Variants in RO60 observed in about 807,000 individuals in gnomAD.
RO60 encodes RNA-binding protein RO60.
In RO60, 20 loss-of-function variants were observed where a neutral mutation model predicts 55.3. The observed-to-expected ratio is 0.36, with a 90% confidence interval of 0.25 to 0.53. The LOEUF (loss-of-function observed/expected upper bound fraction) is 0.53. Ranked by LOEUF, RO60 falls within the 20% of genes least tolerant of loss-of-function variation. The pLI, the probability that RO60 is intolerant of heterozygous loss-of-function variation, is 0.92. For missense variants in RO60, 558 were observed against 646.6 expected (o/e 0.86, Z 1.49); for synonymous variants, 213 against 213.6 (o/e 1.00, Z 0.02).
At position 193,076,624 on chromosome 1, in the gene RO60, T is replaced by C; in HGVS notation, c.925T>C (p.Cys309Arg). ...SEVSLVCEKL[C>R]NEKLLKKARI... ...AGTATCTTTAGTATGTGAAAAACTG[T>C]GTAATGAAAAACTATTAAAAAAGGT... Residue 309 changes from cysteine to arginine, a missense_variant, in exon 4 of 9, where the codon TGT becomes CGT. Coordinates refer to ENST00000400968, the MANE Select transcript of RO60 (RefSeq NM_001173524.2). 1 of 1,604,166 alleles carries C rather than the reference T, an allele frequency of 6.2e-7. No homozygotes were observed. Among genetic ancestry groups the C allele is most frequent in the Non-Finnish European group, 8.5e-7 (1 of 1,176,590 alleles).
chr1:193,082,902 C>T (rs1201748576), intron 8 of RO60, among the ~76,000 whole-genome samples, 194 bp downstream of exon 8: 1 of 151,696 alleles, frequency 6.6e-6, no homozygotes, highest in Non-Finnish European at 1.5e-5. Flanking sequence ...GTAGCTGGAA[C>T]TACAGGAGCG....
chr1:193,082,416 T>A, intron 7 of RO60, 117 bp downstream of exon 7: 3 of 1,336,808 alleles, frequency 2.2e-6, no homozygotes, highest in Non-Finnish European at 3.1e-6. Flanking sequence ...TTTGTCTTAA[T>A]TTTTGCATGA....
chr1:193,062,572 C>G (rs1672852306), intron 1 of RO60, among the ~76,000 whole-genome samples: 1 of 152,146 alleles, frequency 6.6e-6, no homozygotes, highest in Non-Finnish European at 1.5e-5. Flanking sequence ...GTATCCAGTG[C>G]ATTGGGTTCT....
chr1:193,061,777 G>A (rs970633725), intron 1 of RO60, among the ~76,000 whole-genome samples: 10 of 152,202 alleles, frequency 6.6e-5, no homozygotes, highest in Non-Finnish European at 1.5e-4. Flanking sequence ...GAGGTCAGGA[G>A]TTCAAGACCA....
Position 193,069,181 on chromosome 1 carries a change from G to T in RO60, c.127G>T (p.Gly43Cys). The T allele has an allele frequency of 1.9e-6, 3 of 1,614,218 alleles. No individual in the cohort carries two copies. The highest frequency in any genetic ancestry group is 2.5e-6 in the Non-Finnish European group (3 of 1,180,032). ...LHRFLCFGSE[G>C]GTYYIKEQKL... is the part of the protein sequence containing the mutation. ...CCGGTTCTTATGTTTCGGTTCTGAA[G>T]GTGGGACTTATTATATCAAAGAACA... Residue 43 changes from glycine (G) to cysteine (C), a missense_variant, in exon 2 of 9, where the codon GGT becomes TGT. Transcript: ENST00000400968.
chr1:193,070,495 A>G, intron 2 of RO60: 1 of 399,162 alleles, frequency 2.5e-6, no homozygotes, highest in Non-Finnish European at 5.1e-6. Flanking sequence ...TGAAGTGTGA[A>G]GTTCCACAAA....
chr1:193,081,105 CTTAT>C (rs1674280355), intron 5 of RO60, among the ~76,000 whole-genome samples: 1 of 152,014 alleles, frequency 6.6e-6, no homozygotes, highest in African/African-American at 2.4e-5. Flanking sequence ...AGGATGGTAA[CTTAT>C]TTAACTAAAA....
rs1329767655 is a variant in RO60 at position 193,089,985 on chromosome 1, T to C, written c.*5254T>C. 6.6e-6 allele frequency: 1 copy of C among 152,184 alleles called. No individual in the cohort carries two copies. The highest frequency in any genetic ancestry group is 1.5e-5 in the Non-Finnish European group (1 of 68,060). 9.4% of individuals were successfully genotyped at this position (152,184 alleles called of 1,614,324 possible). A position where few individuals can be genotyped will look rare whatever the true frequency, so the allele number is the denominator to read the frequency against. On this transcript the variant is annotated 3_prime_UTR_variant, in exon 9 of 9. Transcript: ENST00000400968. ...CACGCCCACCTAATTTTTGTATTTTTAGTAGAGACGGGGTTTCACCATGTT... is the reference window on the plus strand; with the variant it reads ...CACGCCCACCTAATTTTTGTATTTTCAGTAGAGACGGGGTTTCACCATGTT...
intron 1 of RO60, among the ~76,000 whole-genome samples, chr1:193,067,390 A>G (rs1035912636): frequency 3.3e-5 from 5 of 151,722 alleles, no homozygotes; most frequent in Admixed American, 6.6e-5. Context: ...GGGTTTCACC[A>G]TTTTAGTCAG....
Position 193,090,362 on chromosome 1 carries a change from G to A in RO60, c.*5631G>A, listed in dbSNP as rs980234490. ...AACGTAAACTATATATAATCCATAC[G>A]TAGCCAAATTAGATTTAAAATATAC... On this transcript the variant is annotated 3_prime_UTR_variant, in exon 9 of 9. Transcript: ENST00000400968. 3 of 151,550 alleles carry A rather than the reference G, an allele frequency of 2.0e-5. No homozygotes were observed. Among genetic ancestry groups the A allele is most frequent in the East Asian group, 1.9e-4 (1 of 5,186 alleles). 9.4% of individuals were successfully genotyped at this position (151,550 alleles called of 1,614,324 possible).
At chr1:193,060,077 G>T (rs1672400417) in intron 1 of RO60, 3 of 1,294,744 alleles carry the variant, frequency 2.3e-6, no homozygotes, top group Non-Finnish European at 3.0e-6. Context: ...CGTCGAGAGG[G>T]CCTGCTTTAC....
downstream of RO60, chr1:193,091,708 G>C: frequency 6.2e-7 from 1 of 1,603,822 alleles, no homozygotes; most frequent in South Asian, 1.1e-5. Flanking sequence ...GGTGGACACT[G>C]TGTGAACTGT....
intron 1 of RO60, among the ~76,000 whole-genome samples, chr1:193,063,598 C>A (rs1259711918): frequency 6.6e-6 from 1 of 151,986 alleles, no homozygotes; most frequent in East Asian, 1.9e-4. Context: ...GTCACTTTTG[C>A]CTTTGGTGTC....
chr1:193,082,559 T>C lies in RO60; in HGVS notation c.1318-3T>C. On this transcript the variant is annotated splice_polypyrimidine_tract_variant and splice_region_variant and intron_variant, in intron 7 of 8. Coordinates refer to ENST00000400968, the MANE Select transcript of RO60 (RefSeq NM_001173524.2). The stretch of plus-strand genomic sequence containing the variant: ...ATTTATTCATGCTTTTGTTCCGAAT[T>C]AGATCCCAGCAGGTGGAACTGATTG... 1.2e-6 allele frequency: 2 copies of C among 1,613,692 alleles called. No individual in the cohort carries two copies. Among genetic ancestry groups the C allele is most frequent in the Non-Finnish European group, 1.7e-6 (2 of 1,179,724 alleles).
chr1:193,079,938 C>T (rs1306883418), intron 5 of RO60, among the ~76,000 whole-genome samples: 2 of 150,146 alleles, frequency 1.3e-5, no homozygotes, highest in South Asian at 2.1e-4. Context: ...ACCAGCCTGG[C>T]CAACATGGTG....
At chr1:193,082,763 ATTTT>A (rs201236241) in intron 8 of RO60, 55 bp downstream of exon 8, 1,063 of 1,143,864 alleles carry the variant, frequency 9.3e-4, no homozygotes, top group East Asian at 1.3e-3. Flanking sequence ...TTAATACTTG[ATTTT>A]TTTTTTTTTT....
chr1:193,080,449 C>T (rs895230896), intron 5 of RO60, among the ~76,000 whole-genome samples: 2 of 152,314 alleles, frequency 1.3e-5, no homozygotes, highest in East Asian at 1.9e-4. Context: ...GGTATTCAAA[C>T]AGATATCTGT....
At chr1:193,064,223 A>G (rs900167974) in intron 1 of RO60, among the ~76,000 whole-genome samples, 13 of 152,224 alleles carry the variant, frequency 8.5e-5, no homozygotes, top group African/African-American at 3.1e-4. Context: ...ATCATTAGCT[A>G]CATGGCTGAA....
Position 193,059,625 on chromosome 1 carries a change from A to AAC in RO60, c.-172_-171dup. ...AAGAGGGGCAGGACTCGTTCCCGGG[A>AAC]ACCGAACCTGGAATCCCCGGCGGCA... On this transcript the variant is annotated 5_prime_UTR_variant, in exon 1 of 9. Transcript: ENST00000400968. The surrounding 1 kb of genome is among the most constrained non-coding windows in gnomAD (Gnocchi z 4.9). 1.4e-6 allele frequency: 2 copies of AAC among 1,409,646 alleles called. No individual in the cohort carries two copies. Among genetic ancestry groups the AAC allele is most frequent in the Non-Finnish European group, 1.9e-6 (2 of 1,051,558 alleles). The allele number at this position is 1,409,646 out of a possible 1,614,324, so 87.3% of individuals were successfully genotyped here.
Sources: allele counts gnomAD v4.1 joint callset (sites outside exome capture counted in the v4.1 genomes callset), GRCh38; gene constraint gnomAD v4.1.1; non-coding constraint Gnocchi (gnomAD v3.1); transcripts MANE v1.5; gene names NCBI Gene and HGNC (gene_info 2026-07-23, HGNC 2026-07-21).